The following MAST4 variants were observed in gnomAD, a reference collection of about 807,000 sequenced individuals.
MAST4 encodes the protein microtubule associated serine/threonine kinase family member 4, also known as microtubule-associated serine/threonine-protein kinase 4.
A neutral mutation model predicts 162.7 loss-of-function variants in MAST4; 89 were observed. That is an observed-to-expected ratio of 0.55 (90% confidence interval 0.46 to 0.65). The LOEUF (loss-of-function observed/expected upper bound fraction) is 0.65, where lower values mean the gene tolerates loss of function less well. Among genes scored for constraint, MAST4 ranks in the 30% least tolerant of loss-of-function variants. The pLI is 0.00. For synonymous variants in MAST4, 1,479 were observed against 1,361.1 expected, an observed-to-expected ratio of 1.09 and a Z score of -1.91; for missense variants, 3,153 against 3,374.0, an observed-to-expected ratio of 0.93 and a Z score of 1.62.
At chr5:66,701,852 T>A (rs1384136933) in intron 1 of MAST4, among the ~76,000 whole-genome samples, 1 of 152,132 alleles carries the variant, frequency 6.6e-6, no homozygotes, top group African/African-American at 2.4e-5. Context: ...TGAGAATTGG[T>A]TTTCACCTTT....
intron 1 of MAST4, among the ~76,000 whole-genome samples, chr5:66,623,940 A>C (rs1448407078): frequency 6.6e-6 from 1 of 152,190 alleles, no homozygotes; most frequent in African/African-American, 2.4e-5. Flanking sequence ...ACATACAAAA[A>C]CAGTGGCATA....
At chr5:66,788,607 C>CAAAAAAAAAAAAAAAAAA in intron 2 of MAST4, 63 bp from the exon 3 acceptor site, 1 of 1,373,726 alleles carries the variant, frequency 7.3e-7, no homozygotes, top group Non-Finnish European at 1.0e-6. Context: ...CCCCCACCCC[C>CAAAAAAAAAAAAAAAAAA]ATTGCAATAA....
chr5:66,736,520 T>A (rs1752166134), intron 1 of MAST4, among the ~76,000 whole-genome samples: 1 of 152,140 alleles, frequency 6.6e-6, no homozygotes, highest in African/African-American at 2.4e-5. Flanking sequence ...GCAACAATGA[T>A]TCAGCTGCTA....
chr5:66,641,926 A>G (rs1201750066), intron 1 of MAST4, among the ~76,000 whole-genome samples: 1 of 152,234 alleles, frequency 6.6e-6, no homozygotes, highest in African/African-American at 2.4e-5. Flanking sequence ...TTCCAGTCGG[A>G]ATTGCACCTC....
At chr5:66,757,880 C>G (rs1348847460) in intron 1 of MAST4, among the ~76,000 whole-genome samples, 1 of 152,048 alleles carries the variant, frequency 6.6e-6, no homozygotes, top group Non-Finnish European at 1.5e-5. Context: ...GCAAAAATAA[C>G]CTCTACATTC....
chr5:66,998,478 C>T (rs140609840), intron 4 of MAST4, among the ~76,000 whole-genome samples: 48 of 152,274 alleles, frequency 3.2e-4, no homozygotes, highest in African/African-American at 1.1e-3. Context: ...CTAATAGGTA[C>T]AGCTTATATA....
chr5:66,861,289 A>C (rs940168504), intron 3 of MAST4, among the ~76,000 whole-genome samples: 13 of 152,218 alleles, frequency 8.5e-5, no homozygotes. Flanking sequence ...CTGGAAGTGA[A>C]TTGGGTCAGT....
intron 5 of MAST4, among the ~76,000 whole-genome samples, chr5:67,088,594 A>G (rs1160970522): frequency 6.6e-6 from 1 of 152,236 alleles, no homozygotes; most frequent in African/African-American, 2.4e-5. Context: ...GGCTATTGAG[A>G]GAAGTTGAAA....
Position 67,166,026 on chromosome 5 carries a change from G to A in MAST4, c.6847G>A (p.Asp2283Asn). 2 of 1,613,544 alleles carry A rather than the reference G, an allele frequency of 1.2e-6. No individual in the cohort carries two copies. Among genetic ancestry groups the A allele is most frequent in the Non-Finnish European group, 1.7e-6 (2 of 1,179,836 alleles). The part of the protein sequence containing the change: ...VPLHTDRAPL[D>N]AKPQPTSGGR... ...ACTGCACACTGACAGGGCTCCTCTA[G>A]ACGCCAAGCCACAACCCACCAGTGG... Residue 2283 changes from aspartate to asparagine, a missense_variant, in exon 29 of 29, where the codon GAC becomes AAC. Physicochemically the swap from Asp to Asn is conservative, Grantham distance 23. Coordinates refer to ENST00000403625, the MANE Select transcript of MAST4 (RefSeq NM_001164664.2).
intron 1 of MAST4, among the ~76,000 whole-genome samples, chr5:66,663,469 GCTGT>G (rs1348002520): frequency 1.3e-5 from 2 of 152,178 alleles, no homozygotes; most frequent in Non-Finnish European, 2.9e-5. Flanking sequence ...GAGAAGAGTT[GCTGT>G]CTTTTACTGG....
intron 2 of MAST4, among the ~76,000 whole-genome samples, chr5:66,773,316 T>C (rs1295872784): frequency 2.0e-5 from 3 of 152,204 alleles, no homozygotes; most frequent in Non-Finnish European, 4.4e-5. Flanking sequence ...TCACCACACA[T>C]TGTCAGGGCT....
intron 1 of MAST4, among the ~76,000 whole-genome samples, chr5:66,666,659 G>C (rs1747279494): frequency 6.6e-6 from 1 of 152,104 alleles, no homozygotes; most frequent in Non-Finnish European, 1.5e-5. Context: ...TTCTTTTCAA[G>C]GACTGCTGTT....
intron 3 of MAST4, among the ~76,000 whole-genome samples, chr5:66,846,379 T>C (rs139546567): frequency 1.4e-3 from 206 of 152,298 alleles, no homozygotes; most frequent in Non-Finnish European, 2.1e-3. Context: ...ACTTCTCCAA[T>C]AGCCTTGAGG....
intron 1 of MAST4, among the ~76,000 whole-genome samples, chr5:66,617,394 A>G (rs1397037195): frequency 2.0e-5 from 3 of 152,286 alleles, no homozygotes; most frequent in East Asian, 3.9e-4. Context: ...AAACTTACAG[A>G]GGTTAAATTT....
chr5:67,113,051 C>T (rs1766434794), intron 11 of MAST4, among the ~76,000 whole-genome samples: 1 of 152,124 alleles, frequency 6.6e-6, no homozygotes, highest in Non-Finnish European at 1.5e-5. Flanking sequence ...TGGTGGCTCA[C>T]GCCTGTAATC....
chr5:67,081,089 TAA>T (rs1762598614), intron 5 of MAST4, among the ~76,000 whole-genome samples: 2 of 139,114 alleles, frequency 1.4e-5, no homozygotes, highest in African/African-American at 5.4e-5. Flanking sequence ...ATATATTATA[TAA>T]TATATAATTG....
At chr5:67,100,769 T>TA in intron 8 of MAST4, among the ~76,000 whole-genome samples, 177 bp downstream of exon 8, 1 of 152,224 alleles carries the variant, frequency 6.6e-6, no homozygotes, top group Non-Finnish European at 1.5e-5. Context: ...AAAGGCATCT[T>TA]ATAAGTTTCC....
chr5:67,143,566 A>G (rs1349777694), intron 21 of MAST4, among the ~76,000 whole-genome samples: 1 of 152,164 alleles, frequency 6.6e-6, no homozygotes, highest in East Asian at 1.9e-4. Flanking sequence ...TTGCATGATT[A>G]TTGTTTAGCT....
At position 66,970,213 on chromosome 5, in the gene MAST4, G is replaced by A. The variant is rs115601812; in HGVS notation, c.674+70231G>A. 2.4e-3 allele frequency among the ~76,000 whole-genome samples: 365 copies of A among 152,224 alleles called. 1 individual carries two copies. The highest frequency in any genetic ancestry group is 8.4e-3 in the African/African-American group (350 of 41,536). On this transcript the variant is annotated intron_variant, in intron 4 of 28. Transcript: ENST00000403625. ...CCTACCCTTGCTGGTTTCTGCCAGT[G>A]CCACCACCTGGAGGCTTCCCTTGCT...
Sources: gnomAD v4.1 joint callset for allele counts (sites outside exome capture counted in the v4.1 genomes callset) on GRCh38, gnomAD v4.1.1 for gene constraint, MANE v1.5 for transcripts, NCBI Gene and HGNC (gene_info 2026-07-23, HGNC 2026-07-21) for gene names.